Variants in ITGA8 observed in about 807,000 individuals in gnomAD.
The protein encoded by ITGA8 is integrin alpha-8.
A neutral mutation model predicts 142.3 loss-of-function variants in ITGA8; 91 were observed. The ratio of observed to expected loss-of-function variants is 0.64; its 90% CI spans 0.54 to 0.76. The LOEUF (loss-of-function observed/expected upper bound fraction) is 0.76, where lower values mean the gene tolerates loss of function less well. Among genes scored for constraint, ITGA8 ranks in the 30% least tolerant of loss-of-function variants. ITGA8 has a pLI of 0.00. For synonymous variants in ITGA8, 505 were observed against 485.2 expected (o/e 1.04, Z -0.54); for missense variants, 1,406 against 1,327.7 (o/e 1.06, Z -0.92).
chr10:15,569,336 T>G (rs894510125), intron 25 of ITGA8, among the ~76,000 whole-genome samples: 2 of 152,138 alleles, frequency 1.3e-5, no homozygotes, highest in Admixed American at 6.5e-5. Context: ...TCAGAAAGGG[T>G]GAAGAATGTG....
In ITGA8 at chr10:15,719,775, C is replaced by T. The variant is rs1835528394; in HGVS notation, c.-4G>A. ...CGCGGCTGGCCCCGGGCGACATCTCCCTCCGCCCCGGTGGGTGGCTGCTAC... is the reference window on the plus strand; with the variant it reads ...CGCGGCTGGCCCCGGGCGACATCTCTCTCCGCCCCGGTGGGTGGCTGCTAC... On this transcript the variant is annotated 5_prime_UTR_variant, in exon 1 of 30. Transcript: ENST00000378076. The T allele has an allele frequency of 3.2e-6, 3 of 949,972 alleles. No homozygotes were observed. Among genetic ancestry groups the T allele is most frequent in the Admixed American group, 6.1e-5 (1 of 16,444 alleles). 58.8% of individuals were successfully genotyped at this position (949,972 alleles called of 1,614,324 possible).
intron 11 of ITGA8, among the ~76,000 whole-genome samples, chr10:15,651,681 G>A (rs373831469): frequency 2.6e-5 from 4 of 152,190 alleles, no homozygotes; most frequent in Admixed American, 2.0e-4. Context: ...TTGGGGAAAG[G>A]AGAGTCTGGT....
At chr10:15,634,925 T>A (rs1254568084) in intron 13 of ITGA8, among the ~76,000 whole-genome samples, 3 of 152,066 alleles carry the variant, frequency 2.0e-5, no homozygotes, top group Non-Finnish European at 4.4e-5. Context: ...TTTTGCAACT[T>A]TTCTGTGAGT....
At chr10:15,660,747 G>T in intron 9 of ITGA8, 132 bp downstream of exon 9, 1 of 717,674 alleles carries the variant, frequency 1.4e-6, no homozygotes, top group Non-Finnish European at 2.4e-6. Context: ...ATGTTCGGTG[G>T]ATTAGGTGTA....
intron 22 of ITGA8, among the ~76,000 whole-genome samples, chr10:15,590,268 T>C (rs546510409): frequency 6.6e-6 from 1 of 152,318 alleles, no homozygotes; most frequent in South Asian, 2.1e-4. Context: ...CCACTTCTAC[T>C]TTACAGCAAA....
intron 20 of ITGA8, among the ~76,000 whole-genome samples, chr10:15,603,666 A>T (rs1833143369): frequency 1.3e-5 from 2 of 152,204 alleles, no homozygotes; most frequent in African/African-American, 4.8e-5. Flanking sequence ...GCATTGAGGA[A>T]TGGCAAATGA....
chr10:15,596,905 A>G, intron 21 of ITGA8: 1 of 277,436 alleles, frequency 3.6e-6, no homozygotes, highest in East Asian at 6.6e-5. Flanking sequence ...AAGAAAAAGT[A>G]TTTAAAGAAA....
Position 15,514,299 on chromosome 10 carries a change from G to C in ITGA8, c.*2859C>G, listed in dbSNP as rs149844510. The C allele has an allele frequency of 1.2e-3, 184 of 152,266 alleles. No individual in the cohort carries two copies. The highest frequency in any genetic ancestry group is 4.3e-3 in the African/African-American group (179 of 41,562). 9.4% of individuals were successfully genotyped at this position (152,266 alleles called of 1,614,324 possible). On this transcript the variant is annotated 3_prime_UTR_variant, in exon 30 of 30. Transcript: ENST00000378076. The stretch of plus-strand genomic sequence containing the variant: ...GATAACGCTCAGTGTGTTCTCTGTC[G>C]TCAGTATGTTCTCTGGGCAGAACGG...
chr10:15,576,784 G>T (rs184165745), intron 23 of ITGA8, among the ~76,000 whole-genome samples: 124 of 152,282 alleles, frequency 8.1e-4, no homozygotes, highest in Admixed American at 2.4e-3. Flanking sequence ...TGGCTGCATT[G>T]TTTTCTAGGA....
chr10:15,683,994 A>C lies in ITGA8; in HGVS notation c.568+10T>G. ...GCTAATGTCAGTTTCAAGGAATAAA[A>C]GTTGCTTACTGTTCCGGCAAGGAGA... On this transcript the variant is annotated intron_variant, in intron 4 of 29. Coordinates refer to ENST00000378076, the MANE Select transcript of ITGA8 (RefSeq NM_003638.3). 1 of 1,613,976 alleles carries C rather than the reference A, an allele frequency of 6.2e-7. No homozygotes were observed. Among genetic ancestry groups the C allele is most frequent in the Non-Finnish European group, 8.5e-7 (1 of 1,179,950 alleles).
intron 13 of ITGA8, among the ~76,000 whole-genome samples, chr10:15,638,803 G>T (rs141812918): frequency 6.6e-6 from 1 of 152,238 alleles, no homozygotes; most frequent in Non-Finnish European, 1.5e-5. Flanking sequence ...TTGAAACAGG[G>T]CAGCTGAACG....
chr10:15,580,310 C>G (rs1308041417), intron 23 of ITGA8, among the ~76,000 whole-genome samples: 1 of 151,946 alleles, frequency 6.6e-6, no homozygotes, highest in Admixed American at 6.6e-5. Flanking sequence ...TAATGAGAAA[C>G]TACCAAAGCC....
At chr10:15,601,715 G>A (rs1013188107) in intron 20 of ITGA8, among the ~76,000 whole-genome samples, 1 of 152,100 alleles carries the variant, frequency 6.6e-6, no homozygotes, top group African/African-American at 2.4e-5. Context: ...GTTTCCTAGA[G>A]CAAGAGATGA....
At chr10:15,634,527 A>T (rs1303831900) in intron 13 of ITGA8, among the ~76,000 whole-genome samples, 3 of 152,152 alleles carry the variant, frequency 2.0e-5, no homozygotes, top group Non-Finnish European at 4.4e-5. Flanking sequence ...ATTTGATTTA[A>T]TTCGGGCCCG....
At chr10:15,649,702 T>G (rs1834052162) in intron 11 of ITGA8, among the ~76,000 whole-genome samples, 1 of 151,130 alleles carries the variant, frequency 6.6e-6, no homozygotes, top group Non-Finnish European at 1.5e-5. Context: ...CAGAAGACAC[T>G]CAATATAATA....
At chr10:15,668,944 C>T (rs1834452588) in intron 8 of ITGA8, among the ~76,000 whole-genome samples, 1 of 152,306 alleles carries the variant, frequency 6.6e-6, no homozygotes, top group South Asian at 2.1e-4. Flanking sequence ...TCTCTGGCTG[C>T]CCTTAACATT....
intron 26 of ITGA8, 46 bp downstream of exon 26, chr10:15,558,028 C>G (rs778667154): frequency 6.2e-7 from 1 of 1,609,678 alleles, no homozygotes; most frequent in East Asian, 2.2e-5. Context: ...GGGTTCTATC[C>G]AAGCCACTCA....
chr10:15,550,605 C>T (rs772534079), intron 26 of ITGA8, among the ~76,000 whole-genome samples: 21 of 152,120 alleles, frequency 1.4e-4, no homozygotes, highest in Admixed American at 2.0e-4. Flanking sequence ...ACCTGGCCCA[C>T]GATTCTGTTG....
chr10:15,576,690 A>G (rs936994018), intron 23 of ITGA8, among the ~76,000 whole-genome samples: 4 of 152,174 alleles, frequency 2.6e-5, no homozygotes, highest in Non-Finnish European at 1.5e-5. Context: ...CTCTTTCTTC[A>G]TCTGGAAAAT....
Sources: allele counts gnomAD v4.1 joint callset (sites outside exome capture counted in the v4.1 genomes callset), GRCh38; gene constraint gnomAD v4.1.1; transcripts MANE v1.5; gene names NCBI Gene and HGNC (gene_info 2026-07-23, HGNC 2026-07-21).